Variants in CFDP1 observed in about 807,000 individuals in gnomAD.
CFDP1 encodes the protein chromatin remodeling protein CFDP1.
CFDP1 carries 31 observed loss-of-function variants against 40.1 expected under a neutral mutation model. The ratio of observed to expected loss-of-function variants is 0.77; its 90% CI spans 0.58 to 1.04. The LOEUF is 1.04. CFDP1 is among the 50% of genes least tolerant of loss of function. CFDP1 has a pLI of 0.00. For synonymous variants in CFDP1, 167 were observed against 120.0 expected, an observed-to-expected ratio of 1.39 and a Z score of -2.56; for missense variants, 423 against 343.4, an observed-to-expected ratio of 1.23 and a Z score of -1.83.
intron 1 of CFDP1, among the ~76,000 whole-genome samples, chr16:75,421,237 G>A (rs1460565418): frequency 1.3e-5 from 2 of 152,094 alleles, no homozygotes; most frequent in Non-Finnish European, 2.9e-5. Context: ...GCCTTGCAGA[G>A]TCCCTGTTCC....
chr16:75,397,375 T>C (rs2079004339), intron 4 of CFDP1, among the ~76,000 whole-genome samples: 2 of 145,074 alleles, frequency 1.4e-5, no homozygotes, highest in African/African-American at 5.2e-5. Context: ...GTTAACTGAG[T>C]GTGGTGGTGC....
rs546724752 is a variant in CFDP1, at chr16:75,301,536, C to CTTTTTTTTT, written c.809+3479_809+3487dup. 4.1e-3 allele frequency among the ~76,000 whole-genome samples: 221 copies of CTTTTTTTTT among 53,960 alleles called. 21 individuals carry two copies. Among genetic ancestry groups the CTTTTTTTTT allele is most frequent in the African/African-American group, 0.013 (192 of 14,496 alleles). 35.4% of individuals were successfully genotyped at this position (53,960 alleles called of 152,430 possible). A position where few individuals can be genotyped will look rare whatever the true frequency, so the allele number is the denominator to read the frequency against. ...TCTCAACATTAGAGTTTTGTTGTGTCTTTTTTTTTTTTTTTTTTTTTTTTT... is the reference window on the plus strand; with the variant it reads ...TCTCAACATTAGAGTTTTGTTGTGTCTTTTTTTTTTTTTTTTTTTTTTTTTTTTTTTTTT... On this transcript the variant is annotated intron_variant, in intron 6 of 6. Transcript: ENST00000283882.
chr16:75,356,676 C>T (rs1567655584), intron 5 of CFDP1, among the ~76,000 whole-genome samples: 2 of 152,148 alleles, frequency 1.3e-5, no homozygotes, highest in South Asian at 2.1e-4. Context: ...CTTCTCCTTC[C>T]GAGCTAACTG....
At chr16:75,372,588 A>C (rs2078761153) in intron 5 of CFDP1, 1 of 152,176 alleles carries the variant, frequency 6.6e-6, no homozygotes, top group Admixed American at 6.5e-5. Flanking sequence ...TAAACAGAAA[A>C]CCTAAGTGAG....
intron 5 of CFDP1, among the ~76,000 whole-genome samples, chr16:75,382,278 GAA>G (rs2078859158): frequency 6.6e-6 from 1 of 152,084 alleles, no homozygotes; most frequent in Non-Finnish European, 1.5e-5. Context: ...AAAATATAAG[GAA>G]AATAAAAGTC....
chr16:75,398,684 A>C (rs1204156635), intron 4 of CFDP1, among the ~76,000 whole-genome samples: 4 of 152,200 alleles, frequency 2.6e-5, no homozygotes, highest in African/African-American at 9.7e-5. Flanking sequence ...GATCACACAG[A>C]AACAGACGTC....
At chr16:75,399,056 CAAA>C (rs58692180) in intron 4 of CFDP1, among the ~76,000 whole-genome samples, 138 of 98,040 alleles carry the variant, frequency 1.4e-3, no homozygotes, top group African/African-American at 4.5e-3. Flanking sequence ...GACTCCGTCT[CAAA>C]AAAAAAAAAA....
chr16:75,351,756 C>T (rs1458359009), intron 5 of CFDP1, among the ~76,000 whole-genome samples: 1 of 152,074 alleles, frequency 6.6e-6, no homozygotes, highest in African/African-American at 2.4e-5. Flanking sequence ...GCCTGTAATT[C>T]CAGCACTTTG....
At chr16:75,367,108 G>A (rs1378386772) in intron 5 of CFDP1, among the ~76,000 whole-genome samples, 2 of 147,184 alleles carry the variant, frequency 1.4e-5, no homozygotes, top group Non-Finnish European at 1.5e-5. Flanking sequence ...AGGTTGCAGC[G>A]AGCCGAGATG....
chr16:75,365,823 G>A (rs76833011), intron 5 of CFDP1, among the ~76,000 whole-genome samples: 4,710 of 152,214 alleles, frequency 0.031, 221 homozygotes, highest in African/African-American at 0.1. Flanking sequence ...GGCATTAAAG[G>A]AATGCAAATT....
chr16:75,433,411 A>G lies in CFDP1; in HGVS notation c.-59T>C. ...GACCGCAGCAGCCGCCTCCAACGGCAAAGCTCTAGGGAGAGACCATAGAGC... is the reference window on the plus strand; with the variant it reads ...GACCGCAGCAGCCGCCTCCAACGGCGAAGCTCTAGGGAGAGACCATAGAGC... On this transcript the variant is annotated 5_prime_UTR_variant, in exon 1 of 7. Coordinates refer to ENST00000283882, the MANE Select transcript of CFDP1 (RefSeq NM_006324.3). 6.6e-7 allele frequency: 1 copy of G among 1,519,702 alleles called. No homozygotes were observed. Among genetic ancestry groups the G allele is most frequent in the Non-Finnish European group, 8.9e-7 (1 of 1,121,644 alleles). The allele number at this position is 1,519,702 out of a possible 1,614,324, so 94.1% of individuals were successfully genotyped here. A position where few individuals can be genotyped will look rare whatever the true frequency, so the allele number is the denominator to read the frequency against.
At chr16:75,429,584 T>C (rs1406768651) in intron 1 of CFDP1, among the ~76,000 whole-genome samples, 2 of 151,816 alleles carry the variant, frequency 1.3e-5, no homozygotes, top group Non-Finnish European at 1.5e-5. Context: ...ACCCGGGAGG[T>C]GGAGGTTGCA....
chr16:75,366,103 TA>T (rs1207870905), intron 5 of CFDP1, among the ~76,000 whole-genome samples: 1 of 152,194 alleles, frequency 6.6e-6, no homozygotes, highest in Non-Finnish European at 1.5e-5. Flanking sequence ...CAGCATTATT[TA>T]AAAAGCCAAA....
At chr16:75,315,257 G>A (rs55719515) in intron 5 of CFDP1, among the ~76,000 whole-genome samples, 24,535 of 147,468 alleles carry the variant, frequency 0.17, 2,178 homozygotes, top group Middle Eastern at 0.23. Context: ...GCTTGAGAAC[G>A]GGAGGCGGAG....
chr16:75,388,040 G>C (rs2078914610), intron 5 of CFDP1, among the ~76,000 whole-genome samples: 1 of 152,208 alleles, frequency 6.6e-6, no homozygotes, highest in African/African-American at 2.4e-5. Flanking sequence ...AGGAGAATAA[G>C]AGCGAGCAGT....
At chr16:75,321,965 A>C (rs998529384) in intron 5 of CFDP1, 4 of 152,210 alleles carry the variant, frequency 2.6e-5, no homozygotes, top group African/African-American at 9.7e-5. Flanking sequence ...CTGGGACTAC[A>C]GGCGCCCGCC....
chr16:75,426,969 C>T lies in CFDP1; in HGVS notation c.64+6320G>A, dbSNP rs1050662321. 4.6e-5 allele frequency among the ~76,000 whole-genome samples: 7 copies of T among 151,136 alleles called. No individual in the cohort carries two copies. The South Asian group carries it at 1.0e-3, about 23-fold the overall frequency. ...ACTTGGGAGGCTGAGGCAGGAGAAT[C>T]GCTTGAACCCGGGAGGTGGAGGTTG... On this transcript the variant is annotated intron_variant, in intron 1 of 6. Transcript: ENST00000283882.
chr16:75,414,334 TG>T, intron 2 of CFDP1, among the ~76,000 whole-genome samples: 1 of 152,360 alleles, frequency 6.6e-6, no homozygotes, highest in Non-Finnish European at 1.5e-5. Flanking sequence ...TTTCAGGGAC[TG>T]AATTTTCTGT....
At chr16:75,314,843 C>T (rs2075437032) in intron 5 of CFDP1, among the ~76,000 whole-genome samples, 1 of 152,178 alleles carries the variant, frequency 6.6e-6, no homozygotes, top group Non-Finnish European at 1.5e-5. Flanking sequence ...ACGCTGCCTC[C>T]TGGATTCAAG....
Sources: gnomAD v4.1 joint callset for allele counts (sites outside exome capture counted in the v4.1 genomes callset) on GRCh38, gnomAD v4.1.1 for gene constraint, MANE v1.5 for transcripts, NCBI Gene and HGNC (gene_info 2026-07-23, HGNC 2026-07-21) for gene names.